Variants in SMARCA2 observed in about 807,000 individuals in gnomAD.
The protein encoded by SMARCA2 is SWI/SNF-related matrix-associated actin-dependent regulator of chromatin subfamily A member 2.
In SMARCA2, 61 loss-of-function variants were observed where a neutral mutation model predicts 199.8. That is an observed-to-expected ratio of 0.31 (90% CI 0.25 to 0.38). The LOEUF is 0.38. Ranked by LOEUF, SMARCA2 falls within the 10% of genes least tolerant of loss-of-function variation. The pLI is 1.00. For synonymous variants in SMARCA2, 935 were observed against 732.0 expected, an observed-to-expected ratio of 1.28 and a Z score of -4.48; for missense variants, 1,344 against 2,012.2, an observed-to-expected ratio of 0.67 and a Z score of 6.35.
intron 27 of SMARCA2, among the ~76,000 whole-genome samples, chr9:2,155,645 T>A (rs1187708631): frequency 6.6e-6 from 1 of 151,212 alleles, no homozygotes; most frequent in Non-Finnish European, 1.5e-5. Flanking sequence ...TTGTCTCAGA[T>A]GTGTAAGCCG....
At position 2,086,957 on chromosome 9, in the gene SMARCA2, G is replaced by A. The variant is rs1228382004; in HGVS notation, c.2655G>A (p.Gln885=). The stretch of plus-strand genomic sequence containing the variant: ...TCCTCTTGACTGGGACCCCGCTGCA[G>A]AATAAGCTCCCTGAACTCTGGGCCC... ...RRILLTGTPL[Q]NKLPELWALL... is the part of the protein sequence containing the mutation. The change falls in exon 18 of 34, where the codon CAG becomes CAA. Residue 885 remains glutamine, a synonymous_variant. Transcript: ENST00000349721. The surrounding 1 kb of genome is among the most constrained non-coding windows in gnomAD (Gnocchi z 4.3). 1.2e-6 allele frequency: 2 copies of A among 1,614,044 alleles called. No individual in the cohort carries two copies. The highest frequency in any genetic ancestry group is 2.7e-5 in the African/African-American group (2 of 74,918).
In SMARCA2 at chr9:2,039,272, A is replaced by T. The variant is rs1263615723; in HGVS notation, c.356-194A>T. Among the ~76,000 whole-genome samples the T allele has an allele frequency of 2.0e-5, 3 of 151,898 alleles. No homozygotes were observed. The highest frequency in any genetic ancestry group is 4.4e-5 in the Non-Finnish European group (3 of 67,956). ...AACACTTTAAAGTGGCTACCAGAAAATTTTAAATTTTACATATATATAAAG... is the reference window on the plus strand; with the variant it reads ...AACACTTTAAAGTGGCTACCAGAAATTTTTAAATTTTACATATATATAAAG... On this transcript the variant is annotated intron_variant, in intron 3 of 33. Transcript: ENST00000349721. The surrounding 1 kb of genome is among the most constrained non-coding windows in gnomAD (Gnocchi z 4.8).
chr9:2,042,582 A>G (rs1277245565), intron 4 of SMARCA2: 2 of 152,192 alleles, frequency 1.3e-5, no homozygotes, highest in Non-Finnish European at 2.9e-5. Flanking sequence ...GGATACCTGT[A>G]CACAATAAAT....
intron 9 of SMARCA2, among the ~76,000 whole-genome samples, chr9:2,066,635 T>C (rs570407235): frequency 6.6e-6 from 1 of 152,360 alleles, no homozygotes; most frequent in South Asian, 2.1e-4. Flanking sequence ...TTCTAAACTC[T>C]TTTGCATGTA....
In SMARCA2 at chr9:2,016,733, A is replaced by T. The variant is rs561837486; in HGVS notation, c.-37+1329A>T. 1.3e-5 allele frequency among the ~76,000 whole-genome samples: 2 copies of T among 151,980 alleles called. No homozygotes were observed. The highest frequency in any genetic ancestry group is 4.8e-5 in the African/African-American group (2 of 41,368). On this transcript the variant is annotated intron_variant, in intron 1 of 33. Coordinates refer to ENST00000349721, the MANE Select transcript of SMARCA2 (RefSeq NM_003070.5). The surrounding 1 kb of genome is among the most constrained non-coding windows in gnomAD (Gnocchi z 5.6). ...GGGTAGGAGCCTCCTCCCAACGATG[A>T]CACGCACTCCTTCCTTCTCGCTCCC... is the stretch of plus-strand genomic sequence containing the variant.
intron 19 of SMARCA2, among the ~76,000 whole-genome samples, chr9:2,090,599 A>G (rs563277753): frequency 4.2e-4 from 64 of 152,336 alleles, no homozygotes; most frequent in African/African-American, 1.4e-3. Flanking sequence ...TGCCAGGCAC[A>G]TGGTGGGCAC....
chr9:2,017,034 G>C lies in SMARCA2; in HGVS notation c.-37+1630G>C, dbSNP rs1818382600. The C allele has an allele frequency of 7.2e-5, 11 of 152,224 alleles. No homozygotes were observed. The allele number at this position is 152,224 out of a possible 1,614,324, so 9.4% of individuals were successfully genotyped here. ...AGTTACACGGCGGAGGGCGGGGCGC[G>C]GCAGTGCGGGCTCCGGCGGACACCC... On this transcript the variant is annotated intron_variant, in intron 1 of 33. Coordinates refer to ENST00000349721, the MANE Select transcript of SMARCA2 (RefSeq NM_003070.5). This position sits in a 1 kb window ranked among gnomAD's most constrained non-coding sequence, Gnocchi z 8.8.
intron 32 of SMARCA2, among the ~76,000 whole-genome samples, chr9:2,187,113 T>C (rs933319381): frequency 1.4e-4 from 21 of 149,888 alleles, no homozygotes; most frequent in Non-Finnish European, 2.8e-4. Context: ...GAATTTTGCA[T>C]AGAATTTTTT....
intron 27 of SMARCA2, among the ~76,000 whole-genome samples, chr9:2,134,651 T>A (rs1824117186): frequency 6.6e-6 from 1 of 152,222 alleles, no homozygotes; most frequent in African/African-American, 2.4e-5. Context: ...TCTCCTGACC[T>A]TCCTGGGTTG....
In SMARCA2 at chr9:2,086,969, T is replaced by C; in HGVS notation, c.2667T>C (p.Pro889=). Reference sequence around the variant, plus strand: ...GGACCCCGCTGCAGAATAAGCTCCCTGAACTCTGGGCCCTCCTCAACTTCC... The same window carrying C: ...GGACCCCGCTGCAGAATAAGCTCCCCGAACTCTGGGCCCTCCTCAACTTCC... The part of the protein sequence containing the change: ...LTGTPLQNKL[P]ELWALLNFLL... Residue 889 remains proline, a synonymous_variant, in exon 18 of 34, where the codon CCT becomes CCC. Coordinates refer to ENST00000349721, the MANE Select transcript of SMARCA2 (RefSeq NM_003070.5). This position sits in a 1 kb window ranked among gnomAD's most constrained non-coding sequence, Gnocchi z 4.3. The C allele has an allele frequency of 6.2e-7, 1 of 1,614,196 alleles. No individual in the cohort carries two copies. Among genetic ancestry groups the C allele is most frequent in the Non-Finnish European group, 8.5e-7 (1 of 1,180,026 alleles).
intron 29 of SMARCA2, among the ~76,000 whole-genome samples, chr9:2,174,746 G>A (rs1024992976): frequency 6.6e-5 from 10 of 151,666 alleles, no homozygotes; most frequent in African/African-American, 2.4e-4. Flanking sequence ...GATGGTGGAA[G>A]CCTGTCTCTA....
At chr9:2,072,813 G>T (rs1821149154) in intron 10 of SMARCA2, among the ~76,000 whole-genome samples, 1 of 152,208 alleles carries the variant, frequency 6.6e-6, no homozygotes, top group South Asian at 2.1e-4. Context: ...TCTACAACTG[G>T]TCTAGTGAGG....
rs567197807 is a variant in SMARCA2, at chr9:2,115,645, A to G, written c.3457-177A>G. Among the ~76,000 whole-genome samples the G allele has an allele frequency of 1.4e-4, 22 of 152,336 alleles. No individual in the cohort carries two copies. The highest frequency in any genetic ancestry group is 1.4e-3 in the Admixed American group (21 of 15,298). On this transcript the variant is annotated intron_variant, in intron 24 of 33. Coordinates refer to ENST00000349721, the MANE Select transcript of SMARCA2 (RefSeq NM_003070.5). This position sits in a 1 kb window ranked among gnomAD's most constrained non-coding sequence, Gnocchi z 6.0. ...AATTTCAACCCAGGTTTCTTCAACT[A>G]GGAATGACACTGAATTTTTCCAAAC... is the stretch of plus-strand genomic sequence containing the variant.
intron 2 of SMARCA2, among the ~76,000 whole-genome samples, chr9:2,031,220 C>T (rs73377063): frequency 0.048 from 7,358 of 152,172 alleles, 616 homozygotes; most frequent in African/African-American, 0.17. Context: ...TCTGTCTCCT[C>T]TTTTTAACAG....
chr9:2,054,785 T>TTATC (rs1385002542), intron 6 of SMARCA2, 62 bp downstream of exon 6: 28 of 1,544,288 alleles, frequency 1.8e-5, no homozygotes, highest in Non-Finnish European at 2.5e-5. Context: ...TCCTAAAGTG[T>TTATC]TATCTGTGTT....
chr9:2,175,352 C>T (rs147140665), intron 29 of SMARCA2, among the ~76,000 whole-genome samples: 17 of 145,922 alleles, frequency 1.2e-4, no homozygotes, highest in African/African-American at 1.5e-4. Context: ...CTGGATCTTA[C>T]GTCCTGTTTC....
chr9:2,103,877 A>G, intron 22 of SMARCA2, 126 bp from the exon 23 acceptor site: 1 of 703,618 alleles, frequency 1.4e-6, no homozygotes, highest in Non-Finnish European at 2.4e-6. Flanking sequence ...TCATTCATTC[A>G]TTTCACAGTT....
chr9:2,160,271 T>C (rs750570793), intron 27 of SMARCA2: 17 of 381,712 alleles, frequency 4.5e-5, no homozygotes, highest in Middle Eastern at 7.2e-4. Flanking sequence ...GCCTCCTTCA[T>C]AGTGGTTATC....
At chr9:2,088,972 G>GT (rs1244037860) in intron 19 of SMARCA2, among the ~76,000 whole-genome samples, 3 of 149,976 alleles carry the variant, frequency 2.0e-5, no homozygotes, top group Non-Finnish European at 4.4e-5. Context: ...AAGATTTGGC[G>GT]TTGGGGACTT....
Sources: allele counts gnomAD v4.1 joint callset (sites outside exome capture counted in the v4.1 genomes callset), GRCh38; gene constraint gnomAD v4.1.1; non-coding constraint Gnocchi (gnomAD v3.1); transcripts MANE v1.5; gene names NCBI Gene and HGNC (gene_info 2026-07-23, HGNC 2026-07-21).